Variants in KIF26B observed in about 807,000 individuals in gnomAD.
KIF26B encodes the protein kinesin-like protein KIF26B.
In KIF26B, 63 loss-of-function variants were observed where a neutral mutation model predicts 151.2. The observed-to-expected ratio is 0.42, with a 90% CI of 0.34 to 0.51. The LOEUF (loss-of-function observed/expected upper bound fraction) is 0.51. Ranked by LOEUF, KIF26B falls within the 20% of genes least tolerant of loss-of-function variation. The probability of loss-of-function intolerance (pLI) is 0.07; values close to 1 mark genes in which losing one functional copy is unlikely to be tolerated. For synonymous variants in KIF26B, 1,357 were observed against 1,262.1 expected (o/e 1.08, Z -1.59); for missense variants, 2,813 against 2,913.6 (o/e 0.97, Z 0.79).
At chr1:245,176,260 A>G (rs935839003) in intron 2 of KIF26B, among the ~76,000 whole-genome samples, 1 of 150,918 alleles carries the variant, frequency 6.6e-6, no homozygotes, top group East Asian at 1.9e-4. Context: ...CAGCCTCCCA[A>G]AGTGCTGGGA....
chr1:245,608,354 TGAG>T (rs541721237), intron 7 of KIF26B, among the ~76,000 whole-genome samples: 146 of 152,284 alleles, frequency 9.6e-4, no homozygotes, highest in African/African-American at 3.2e-3. Flanking sequence ...TTTAGTGAAT[TGAG>T]GAGCTTCAAA....
chr1:245,707,603 T>A lies in KIF26B; in HGVS notation c.*4997T>A, dbSNP rs1280345502. ...CTGTCTGTGGCTATTTTTTTCCATG[T>A]TTTTCTCACTCAAGCAAAGTCTGTT... On this transcript the variant is annotated 3_prime_UTR_variant, in exon 15 of 15. Transcript: ENST00000407071. The A allele has an allele frequency of 1.3e-5, 2 of 152,204 alleles. No homozygotes were observed. Among genetic ancestry groups the A allele is most frequent in the African/African-American group, 2.4e-5 (1 of 41,454 alleles). The allele number at this position is 152,204 out of a possible 1,614,324, so 9.4% of individuals were successfully genotyped here. A position where few individuals can be genotyped will look rare whatever the true frequency, so the allele number is the denominator to read the frequency against.
chr1:245,324,367 T>A (rs1237050861), intron 2 of KIF26B, among the ~76,000 whole-genome samples: 1 of 152,188 alleles, frequency 6.6e-6, no homozygotes, highest in East Asian at 1.9e-4. Context: ...AGATTCCCCT[T>A]CTTATGGAAT....
intron 6 of KIF26B, among the ~76,000 whole-genome samples, chr1:245,604,551 C>T (rs2043429864): frequency 6.6e-6 from 1 of 152,152 alleles, no homozygotes; most frequent in African/African-American, 2.4e-5. Flanking sequence ...AACAAATGGC[C>T]TACAAATAAT....
intron 2 of KIF26B, among the ~76,000 whole-genome samples, chr1:245,349,162 A>C (rs879647186): frequency 6.6e-6 from 1 of 152,334 alleles, no homozygotes; most frequent in Admixed American, 6.5e-5. Flanking sequence ...TGAATGAATC[A>C]ATGAAGTTGC....
chr1:245,468,450 C>T (rs760084554), intron 4 of KIF26B, among the ~76,000 whole-genome samples: 9 of 152,288 alleles, frequency 5.9e-5, no homozygotes, highest in Non-Finnish European at 8.8e-5. Context: ...TTTCAGGCAT[C>T]CTTTTTATAG....
At chr1:245,503,715 G>T (rs115878924) in intron 4 of KIF26B, among the ~76,000 whole-genome samples, 2 of 152,178 alleles carry the variant, frequency 1.3e-5, no homozygotes, top group African/African-American at 4.8e-5. Flanking sequence ...TGGAAGCACC[G>T]GCTGGACCAA....
chr1:245,447,146 G>C (rs1659265902), intron 4 of KIF26B, among the ~76,000 whole-genome samples: 2 of 152,112 alleles, frequency 1.3e-5, no homozygotes, highest in Admixed American at 6.5e-5. Context: ...TCTCAAGCTG[G>C]TGCCTTCCTG....
At chr1:245,510,057 T>C (rs988292268) in intron 4 of KIF26B, among the ~76,000 whole-genome samples, 2 of 152,138 alleles carry the variant, frequency 1.3e-5, no homozygotes, top group Admixed American at 6.5e-5. Context: ...CATGCGAAGT[T>C]GACAGTCACA....
chr1:245,656,810 G>C (rs1469047726), intron 10 of KIF26B, among the ~76,000 whole-genome samples: 1 of 149,636 alleles, frequency 6.7e-6, no homozygotes, highest in Admixed American at 6.6e-5. Context: ...TTTTTTTTTT[G>C]TTCATGCAAA....
At chr1:245,230,195 G>T (rs1669967035) in intron 2 of KIF26B, among the ~76,000 whole-genome samples, 1 of 151,004 alleles carries the variant, frequency 6.6e-6, no homozygotes, top group African/African-American at 2.4e-5. Context: ...CACACCTACA[G>T]TGTAACTAGA....
At chr1:245,683,333 G>A (rs1302723208) in intron 10 of KIF26B, among the ~76,000 whole-genome samples, 1 of 152,196 alleles carries the variant, frequency 6.6e-6, no homozygotes, top group Non-Finnish European at 1.5e-5. Flanking sequence ...TCAGGATCAG[G>A]GAACGTGCCA....
At chr1:245,303,095 A>T (rs948003778) in intron 2 of KIF26B, among the ~76,000 whole-genome samples, 6 of 151,004 alleles carry the variant, frequency 4.0e-5, no homozygotes, top group African/African-American at 1.5e-4. Flanking sequence ...TCTCAGTCCT[A>T]CTTGTAACAC....
chr1:245,258,118 G>A (rs568888772), intron 2 of KIF26B, among the ~76,000 whole-genome samples: 1 of 152,244 alleles, frequency 6.6e-6, no homozygotes, highest in East Asian at 1.9e-4. Flanking sequence ...GGAGCTTGAC[G>A]TGGCTACTGT....
chr1:245,326,587 C>T (rs139328503), intron 2 of KIF26B, among the ~76,000 whole-genome samples: 116 of 152,206 alleles, frequency 7.6e-4, no homozygotes, highest in Non-Finnish European at 1.3e-3. Context: ...ACGAAGAGCC[C>T]AGAAAAGTTC....
At position 245,609,459 on chromosome 1, in the gene KIF26B, C is replaced by A. The variant is rs200865211; in HGVS notation, c.1845C>A (p.Ala615=). 1 of 1,603,910 alleles carries A rather than the reference C, an allele frequency of 6.2e-7. No homozygotes were observed. Among genetic ancestry groups the A allele is most frequent in the African/African-American group, 1.3e-5 (1 of 74,814 alleles). ...ENLRDLLSEV[A]TGSLQDGQSP... ...TGCGGGACCTGCTGTCGGAGGTGGC[C>A]ACGGGCAGCCTGCAGGACGGCCAGT... Residue 615 remains alanine (A), a synonymous_variant, in exon 8 of 15, where the codon GCC becomes GCA. Transcript: ENST00000407071.
intron 2 of KIF26B, among the ~76,000 whole-genome samples, chr1:245,236,248 G>T (rs1256538619): frequency 6.6e-6 from 1 of 152,046 alleles, no homozygotes; most frequent in Non-Finnish European, 1.5e-5. Context: ...TAATGACCAA[G>T]GTGTATACAG....
chr1:245,500,386 A>G (rs1384503332), intron 4 of KIF26B, among the ~76,000 whole-genome samples: 1 of 152,248 alleles, frequency 6.6e-6, no homozygotes, highest in African/African-American at 2.4e-5. Context: ...CTCACATTTG[A>G]GGACTGAATT....
Position 245,435,130 on chromosome 1 carries a change from C to CCCATCCAT in KIF26B, c.1166+15421_1166+15428dup, listed in dbSNP as rs34535359. On this transcript the variant is annotated intron_variant, in intron 4 of 14. Coordinates refer to ENST00000407071, the MANE Select transcript of KIF26B (RefSeq NM_018012.4). ...ATCCATCCATCCATCTCTCCATCTA[C>CCCATCCAT]CCATCCATCCATCCATCCATCCATC... 3.6e-3 allele frequency among the ~76,000 whole-genome samples: 523 copies of CCCATCCAT among 145,220 alleles called. 2 individuals carry two copies. The highest frequency in any genetic ancestry group is 0.011 in the Middle Eastern group (3 of 282).
Sources: gnomAD v4.1 joint callset for allele counts (sites outside exome capture counted in the v4.1 genomes callset) on GRCh38, gnomAD v4.1.1 for gene constraint, MANE v1.5 for transcripts, NCBI Gene and HGNC (gene_info 2026-07-23, HGNC 2026-07-21) for gene names.